DENND5B: variants seen among roughly 807,000 people sequenced by gnomAD.
The protein encoded by DENND5B is DENN domain containing 5B, also known as DENN domain-containing protein 5B.
A neutral mutation model predicts 140.6 loss-of-function variants in DENND5B; 34 were observed. The ratio of observed to expected loss-of-function variants is 0.24; its 90% CI spans 0.18 to 0.32. DENND5B has a LOEUF of 0.32. Among genes scored for constraint, DENND5B ranks in the 10% least tolerant of loss-of-function variants. DENND5B has a pLI of 1.00. For synonymous variants in DENND5B, 551 were observed against 562.1 expected (o/e 0.98, Z 0.28); for missense variants, 1,142 against 1,560.2 (o/e 0.73, Z 4.52).
At position 31,396,053 on chromosome 12, in the gene DENND5B, C is replaced by CCTGTTTTTTTTTTTTTTTTTTTTTT. The variant is rs1399702795; in HGVS notation, c.3256+2121_3256+2122insAAAAAAAAAAAAAAAAAAAAAACAG. Among the ~76,000 whole-genome samples, 5 of 102,844 alleles carry CCTGTTTTTTTTTTTTTTTTTTTTTT rather than the reference C, an allele frequency of 4.9e-5. 2 individuals are homozygous for CCTGTTTTTTTTTTTTTTTTTTTTTT. Among genetic ancestry groups the CCTGTTTTTTTTTTTTTTTTTTTTTT allele is most frequent in the Non-Finnish European group, 9.7e-5 (5 of 51,544 alleles). The allele number at this position is 102,844 out of a possible 152,430, so 67.5% of individuals were successfully genotyped here. On this transcript the variant is annotated intron_variant, in intron 17 of 20. Coordinates refer to ENST00000389082, the MANE Select transcript of DENND5B (RefSeq NM_144973.4). ...TAGCTTCTGGTGGCTGTTGGCATTC[C>CCTGTTTTTTTTTTTTTTTTTTTTTT]TTGTTTTTTTTTTTTTTTTTTTTTT... is the stretch of plus-strand genomic sequence containing the variant.
intron 20 of DENND5B, among the ~76,000 whole-genome samples, chr12:31,388,412 A>T (rs948380657): frequency 6.6e-6 from 1 of 152,186 alleles, no homozygotes; most frequent in East Asian, 1.9e-4. Context: ...AGCACAGCTA[A>T]AACTGGGCTC....
intron 8 of DENND5B, chr12:31,432,133 G>A: frequency 8.1e-6 from 8 of 985,176 alleles, no homozygotes; most frequent in Non-Finnish European, 9.6e-6. Context: ...AGTTCTGACA[G>A]ACCAAAAGTT....
At chr12:31,581,959 G>A (rs913899604) in intron 1 of DENND5B, among the ~76,000 whole-genome samples, 5 of 151,816 alleles carry the variant, frequency 3.3e-5, no homozygotes, top group Non-Finnish European at 7.3e-5. Context: ...TACTCAGTAC[G>A]ATGCAAATTC....
In DENND5B at chr12:31,541,927, T is replaced by C. The variant is rs138471427; in HGVS notation, c.128-46008A>G. Among the ~76,000 whole-genome samples the C allele has an allele frequency of 4.3e-3, 654 of 152,300 alleles. 2 individuals carry two copies. Among genetic ancestry groups the C allele is most frequent in the Non-Finnish European group, 6.1e-3 (414 of 68,024 alleles). Reference sequence around the variant, plus strand: ...TGGATTGAACTGGAAGTCATTATGTTAAGTGAAATAAGCCAGACACAGAAA... The same window carrying C: ...TGGATTGAACTGGAAGTCATTATGTCAAGTGAAATAAGCCAGACACAGAAA... On this transcript the variant is annotated intron_variant, in intron 1 of 20. Transcript: ENST00000389082.
At chr12:31,545,557 C>T (rs1401419648) in intron 1 of DENND5B, among the ~76,000 whole-genome samples, 1 of 151,782 alleles carries the variant, frequency 6.6e-6, no homozygotes, top group Non-Finnish European at 1.5e-5. Context: ...TAAGGCATAC[C>T]CAGAATGTAA....
At chr12:31,437,773 CTAA>C (rs1943844673) in intron 7 of DENND5B, among the ~76,000 whole-genome samples, 1 of 152,220 alleles carries the variant, frequency 6.6e-6, no homozygotes, top group African/African-American at 2.4e-5. Flanking sequence ...ATTCAAATTT[CTAA>C]TAATATGAGA....
chr12:31,536,658 T>A (rs979844851), intron 1 of DENND5B, among the ~76,000 whole-genome samples: 1 of 149,064 alleles, frequency 6.7e-6, no homozygotes. Flanking sequence ...AAGATGTATT[T>A]AAAAAAAAAA....
In DENND5B at chr12:31,538,957, GGTT is replaced by G. The variant is rs567439494; in HGVS notation, c.128-43041_128-43039del. Among the ~76,000 whole-genome samples, 530 of 144,372 alleles carry G rather than the reference GGTT, an allele frequency of 3.7e-3. 4 individuals carry two copies. The highest frequency in any genetic ancestry group is 6.2e-3 in the Non-Finnish European group (418 of 67,262). The allele number at this position is 144,372 out of a possible 152,430, so 94.7% of individuals were successfully genotyped here. A position where few individuals can be genotyped will look rare whatever the true frequency, so the allele number is the denominator to read the frequency against. On this transcript the variant is annotated intron_variant, in intron 1 of 20. Coordinates refer to ENST00000389082, the MANE Select transcript of DENND5B (RefSeq NM_144973.4). ...AATACAAAACTTCAATGAAACAAAA[GGTT>G]TTTTTTTTTTTGAAAAAAAAAATTG...
intron 1 of DENND5B, among the ~76,000 whole-genome samples, chr12:31,544,095 C>G (rs1222205612): frequency 6.6e-6 from 1 of 152,108 alleles, no homozygotes; most frequent in East Asian, 1.9e-4. Context: ...ACCTGAGAGG[C>G]AGAAGTTGCA....
chr12:31,433,069 G>C (rs1414902938), intron 8 of DENND5B, 86 bp downstream of exon 8: 3 of 1,114,654 alleles, frequency 2.7e-6, no homozygotes, highest in Non-Finnish European at 4.0e-6. Context: ...AGAACATTAA[G>C]AATCTACACA....
At chr12:31,582,330 C>T (rs1285929143) in intron 1 of DENND5B, among the ~76,000 whole-genome samples, 1 of 152,120 alleles carries the variant, frequency 6.6e-6, no homozygotes, top group Non-Finnish European at 1.5e-5. Context: ...AGTGACAGGC[C>T]AGGAATGGAA....
chr12:31,389,640 G>T, intron 19 of DENND5B, 142 bp from the exon 20 acceptor site: 1 of 728,656 alleles, frequency 1.4e-6, no homozygotes, highest in South Asian at 2.7e-5. Context: ...CTTTATCATT[G>T]ATTTTAGGGG....
In DENND5B at chr12:31,488,131, ATTTTT is replaced by A. The variant is rs68139114; in HGVS notation, c.237+7674_237+7678del. ...CGATTATAGGCGTGCATACCCGGCT[ATTTTT>A]TTTTTTTTTTTGTACTTTTAGTAGA... is the stretch of plus-strand genomic sequence containing the variant. On this transcript the variant is annotated intron_variant, in intron 2 of 20. Transcript: ENST00000389082. Among the ~76,000 whole-genome samples the A allele has an allele frequency of 6.0e-3, 806 of 135,438 alleles. 18 individuals carry two copies. In the East Asian group the frequency reaches 0.096, roughly 16 times the overall value. 88.9% of individuals were successfully genotyped at this position (135,438 alleles called of 152,430 possible). A position where few individuals can be genotyped will look rare whatever the true frequency, so the allele number is the denominator to read the frequency against.
At chr12:31,577,003 G>A (rs1051151426) in intron 1 of DENND5B, among the ~76,000 whole-genome samples, 1 of 152,128 alleles carries the variant, frequency 6.6e-6, no homozygotes, top group Non-Finnish European at 1.5e-5. Flanking sequence ...TTCTCAAAAA[G>A]GGACAACCAA....
At chr12:31,527,546 G>A (rs919781876) in intron 1 of DENND5B, among the ~76,000 whole-genome samples, 1 of 152,144 alleles carries the variant, frequency 6.6e-6, no homozygotes, top group African/African-American at 2.4e-5. Context: ...TTGGGAGGCC[G>A]AGGCGGGCGG....
chr12:31,557,686 CCTAT>C (rs1190437420), intron 1 of DENND5B, among the ~76,000 whole-genome samples: 2 of 151,806 alleles, frequency 1.3e-5, no homozygotes, highest in South Asian at 2.1e-4. Context: ...AAAAAAATAA[CCTAT>C]CTGACTACTA....
In DENND5B at chr12:31,501,100, T is replaced by C. The variant is rs144368192; in HGVS notation, c.128-5181A>G. On this transcript the variant is annotated intron_variant, in intron 1 of 20. Transcript: ENST00000389082. ...AAAAAAGACTGATATGGTTTGGCTA[T>C]GTCCTCACCCAAATCTCACCTTGAA... is the stretch of plus-strand genomic sequence containing the variant. Among the ~76,000 whole-genome samples, 632 of 152,312 alleles carry C rather than the reference T, an allele frequency of 4.1e-3. 5 individuals carry two copies. Among genetic ancestry groups the C allele is most frequent in the African/African-American group, 0.014 (576 of 41,566 alleles).
chr12:31,477,227 T>TAAA (rs142418446), intron 3 of DENND5B, among the ~76,000 whole-genome samples: 1 of 145,164 alleles, frequency 6.9e-6, no homozygotes, highest in Non-Finnish European at 1.5e-5. Flanking sequence ...GACTCTGTCT[T>TAAA]AAAAAAAAAA....
intron 1 of DENND5B, among the ~76,000 whole-genome samples, chr12:31,519,145 C>G (rs540535057): frequency 6.6e-6 from 1 of 152,174 alleles, no homozygotes; most frequent in Non-Finnish European, 1.5e-5. Flanking sequence ...AAACGATGCA[C>G]CAAATTTGCT....
Sources: allele counts gnomAD v4.1 joint callset (sites outside exome capture counted in the v4.1 genomes callset), GRCh38; gene constraint gnomAD v4.1.1; transcripts MANE v1.5; gene names NCBI Gene and HGNC (gene_info 2026-07-23, HGNC 2026-07-21).